The following TCN2 variants were observed in gnomAD, a reference collection of about 807,000 sequenced individuals.
TCN2 encodes transcobalamin 2, also known as transcobalamin-2.
In TCN2, 34 loss-of-function variants were observed where a neutral mutation model predicts 48.6. That is an observed-to-expected ratio of 0.70 (90% CI 0.53 to 0.93). The LOEUF (loss-of-function observed/expected upper bound fraction) is 0.93. Among genes scored for constraint, TCN2 ranks in the 40% least tolerant of loss-of-function variants. The pLI, the probability that TCN2 is intolerant of heterozygous loss-of-function variation, is 0.00. For missense variants in TCN2, 652 were observed against 526.1 expected (o/e 1.24, Z -2.34); for synonymous variants, 283 against 212.5 (o/e 1.33, Z -2.89).
At position 30,607,244 on chromosome 22, in the gene TCN2, G is replaced by T; in HGVS notation, c.-88G>T. The T allele has an allele frequency of 3.6e-6, 5 of 1,408,226 alleles. No homozygotes were observed. The highest frequency in any genetic ancestry group is 1.2e-5 in the South Asian group (1 of 86,812). 87.2% of individuals were successfully genotyped at this position (1,408,226 alleles called of 1,614,324 possible). A position where few individuals can be genotyped will look rare whatever the true frequency, so the allele number is the denominator to read the frequency against. ...AGGAAGCTGCGTCTCTCGGAGCGGT[G>T]ACCAGCTGTGGTCAGGAGAGCCTCA... On this transcript the variant is annotated 5_prime_UTR_variant, in exon 1 of 9. Transcript: ENST00000215838.
In TCN2 at chr22:30,626,530, C is replaced by T; in HGVS notation, c.*9C>T. 3 of 1,613,984 alleles carry T rather than the reference C, an allele frequency of 1.9e-6. No individual in the cohort carries two copies. The highest frequency in any genetic ancestry group is 2.5e-6 in the Non-Finnish European group (3 of 1,179,982). On this transcript the variant is annotated 3_prime_UTR_variant, in exon 9 of 9. Coordinates refer to ENST00000215838, the MANE Select transcript of TCN2 (RefSeq NM_000355.4). ...GGCTGGTTAGCTGGTAGCCCCTGAG[C>T]TCCCTCATCCCAGCAGCCTCGCACA...
At position 30,623,801 on chromosome 22, in the gene TCN2, C is replaced by CACATAT. The variant is rs1555896212; in HGVS notation, c.1222+719_1222+720insCATATA. ...ATATATATGTATACATATATACACACATACACATATATACACACACATACA... is the reference window on the plus strand; with the variant it reads ...ATATATATGTATACATATATACACACACATATATACACATATATACACACACATACA... On this transcript the variant is annotated intron_variant, in intron 8 of 8. Coordinates refer to ENST00000215838, the MANE Select transcript of TCN2 (RefSeq NM_000355.4). Among the ~76,000 whole-genome samples the CACATAT allele has an allele frequency of 2.6e-3, 11 of 4,176 alleles. 5 individuals carry two copies. Among genetic ancestry groups the CACATAT allele is most frequent in the African/African-American group, 0.022 (9 of 412 alleles). The allele number at this position is 4,176 out of a possible 152,430, so 2.7% of individuals were successfully genotyped here.
At chr22:30,612,445 G>A (rs2087555417) in intron 2 of TCN2, among the ~76,000 whole-genome samples, 1 of 152,152 alleles carries the variant, frequency 6.6e-6, no homozygotes, top group South Asian at 2.1e-4. Flanking sequence ...AGCTACTTGG[G>A]AGGCCGAGGC....
At chr22:30,617,303 C>T (rs1240313065) in intron 6 of TCN2, 27 bp from the exon 7 acceptor site, 2 of 1,614,048 alleles carry the variant, frequency 1.2e-6, no homozygotes, top group Non-Finnish European at 8.5e-7. Context: ...CTCACACCAG[C>T]TGCCCGCCCC....
chr22:30,624,899 A>G (rs2087781442), intron 8 of TCN2, among the ~76,000 whole-genome samples: 2 of 152,198 alleles, frequency 1.3e-5, no homozygotes, highest in African/African-American at 4.8e-5. Flanking sequence ...ATTACAAAAT[A>G]CCATAAACTG....
chr22:30,622,390 T>C (rs2087711701), intron 7 of TCN2, among the ~76,000 whole-genome samples: 1 of 151,980 alleles, frequency 6.6e-6, no homozygotes, highest in Non-Finnish European at 1.5e-5. Context: ...GGAGTGTGAG[T>C]TGAGGAGTCT....
In TCN2 at chr22:30,621,545, C is replaced by T. The variant is rs532736517; in HGVS notation, c.1107-1423C>T. ...TTACCCAGGCTGGAGTGCAGTGGTG[C>T]GACCTCAGGTCACTGCAACCTCCGC... On this transcript the variant is annotated intron_variant, in intron 7 of 8. Coordinates refer to ENST00000215838, the MANE Select transcript of TCN2 (RefSeq NM_000355.4). Among the ~76,000 whole-genome samples, 5 of 152,238 alleles carry T rather than the reference C, an allele frequency of 3.3e-5. No individual in the cohort carries two copies. In the East Asian group the frequency reaches 5.8e-4, roughly 18 times the overall value.
intron 8 of TCN2, among the ~76,000 whole-genome samples, chr22:30,623,950 ATG>A (rs1291452360): frequency 1.3e-5 from 1 of 77,026 alleles, no homozygotes. Context: ...ACACACACAT[ATG>A]TATACATATA....
At chr22:30,613,099 T>TA in intron 3 of TCN2, 57 bp downstream of exon 3, 1 of 1,595,192 alleles carries the variant, frequency 6.3e-7, no homozygotes, top group Non-Finnish European at 8.5e-7. Context: ...CATCAGATGA[T>TA]ATTCTCCAAT....
chr22:30,626,572 C>T lies in TCN2; in HGVS notation c.*51C>T, dbSNP rs1024118413. ...CCTCGCACACTCCCTAGGCTTCTAC[C>T]CTCCCTCCTGATGTCCCTGGAACAG... On this transcript the variant is annotated 3_prime_UTR_variant, in exon 9 of 9. Coordinates refer to ENST00000215838, the MANE Select transcript of TCN2 (RefSeq NM_000355.4). 25 of 1,599,592 alleles carry T rather than the reference C, an allele frequency of 1.6e-5. No individual in the cohort carries two copies. The highest frequency in any genetic ancestry group is 4.0e-5 in the African/African-American group (3 of 74,652).
At chr22:30,610,322 T>C (rs2087517892) in intron 1 of TCN2, 2 of 470,690 alleles carry the variant, frequency 4.2e-6, no homozygotes, top group Non-Finnish European at 8.8e-6. Context: ...TTGCGTTGTT[T>C]GGAAATTTGA....
intron 1 of TCN2, among the ~76,000 whole-genome samples, chr22:30,608,224 G>T (rs955611050): frequency 1.3e-5 from 2 of 152,162 alleles, no homozygotes; most frequent in Non-Finnish European, 2.9e-5. Flanking sequence ...TCACCCCCAT[G>T]GTCTCTTGAG....
Position 30,615,663 on chromosome 22 carries a change from T to G in TCN2, c.816T>G (p.Val272=). The G allele has an allele frequency of 6.2e-7, 1 of 1,614,210 alleles. No homozygotes were observed. The highest frequency in any genetic ancestry group is 8.5e-7 in the Non-Finnish European group (1 of 1,180,036). ...GAACAGCATGTCTCAAGGCGAGGGTTGCTTTGCTGGCCAGTCTGCAGGATG... is the reference window on the plus strand; with the variant it reads ...GAACAGCATGTCTCAAGGCGAGGGTGGCTTTGCTGGCCAGTCTGCAGGATG... ...ELGTACLKAR[V]ALLASLQDGA... The change falls in exon 6 of 9, where the codon GTT becomes GTG. Residue 272 remains valine, a synonymous_variant. Transcript: ENST00000215838.
At chr22:30,609,097 G>A (rs2087497542) in intron 1 of TCN2, among the ~76,000 whole-genome samples, 2 of 151,550 alleles carry the variant, frequency 1.3e-5, no homozygotes, top group South Asian at 4.2e-4. Context: ...GAAATTGACA[G>A]GGATCGCTGC....
In TCN2 at chr22:30,617,404, C is replaced by T. The variant is rs1218083741; in HGVS notation, c.1015C>T (p.Leu339Phe). 3.7e-6 allele frequency: 6 copies of T among 1,614,168 alleles called. No individual in the cohort carries two copies. The highest frequency in any genetic ancestry group is 2.2e-5 in the South Asian group (2 of 91,086). Residue 339 changes from leucine (L) to phenylalanine (F), a missense_variant, in exon 7 of 9, where the codon CTC becomes TTC. Transcript: ENST00000215838. ...IISVTLQVLS[L>F]LPPYRQSISV... Reference sequence around the variant, plus strand: ...CAGTGTCACGCTGCAGGTGCTTAGTCTCTTGCCGCCGTACAGACAGTCCAT... The same window carrying T: ...CAGTGTCACGCTGCAGGTGCTTAGTTTCTTGCCGCCGTACAGACAGTCCAT...
chr22:30,613,287 T>C (rs1046495164), intron 3 of TCN2, among the ~76,000 whole-genome samples: 1 of 152,158 alleles, frequency 6.6e-6, no homozygotes, highest in African/African-American at 2.4e-5. Flanking sequence ...TTTGTTTGTT[T>C]GTTTGTTTTG....
chr22:30,616,723 C>A (rs1013434706), intron 6 of TCN2, among the ~76,000 whole-genome samples: 2 of 152,122 alleles, frequency 1.3e-5, no homozygotes, highest in African/African-American at 4.8e-5. Flanking sequence ...ATCACTTGAA[C>A]CTGGGAGACA....
intron 8 of TCN2, among the ~76,000 whole-genome samples, chr22:30,623,803 T>TATATATGTATACATATATAC (rs57088816): frequency 3.2e-5 from 2 of 61,600 alleles, no homozygotes; most frequent in South Asian, 3.5e-4. Context: ...TATACACACA[T>TATATATGTATACATATATAC]ACACATATAT....
intron 2 of TCN2, among the ~76,000 whole-genome samples, chr22:30,612,023 G>A (rs1195255871): frequency 6.6e-6 from 1 of 151,990 alleles, no homozygotes; most frequent in African/African-American, 2.4e-5. Flanking sequence ...GATTGCTTGA[G>A]CTCAGGAGTT....
Sources: allele counts gnomAD v4.1 joint callset (sites outside exome capture counted in the v4.1 genomes callset), GRCh38; gene constraint gnomAD v4.1.1; transcripts MANE v1.5; gene names NCBI Gene and HGNC (gene_info 2026-07-23, HGNC 2026-07-21).